The following GLG1 variants were observed in gnomAD, a reference collection of about 807,000 sequenced individuals.
The protein encoded by GLG1 is Golgi apparatus protein 1.
GLG1 carries 38 observed loss-of-function variants against 160.5 expected under a neutral mutation model. The ratio of observed to expected loss-of-function variants is 0.24; its 90% CI spans 0.18 to 0.31. The LOEUF (loss-of-function observed/expected upper bound fraction) is 0.31. Among genes scored for constraint, GLG1 ranks in the 10% least tolerant of loss-of-function variants. The pLI is 1.00. For synonymous variants in GLG1, 644 were observed against 543.4 expected (o/e 1.19, Z -2.57); for missense variants, 1,373 against 1,505.2 (o/e 0.91, Z 1.45).
chr16:74,519,425 T>A (rs1173380278), intron 2 of GLG1, among the ~76,000 whole-genome samples: 2 of 152,100 alleles, frequency 1.3e-5, no homozygotes, highest in Non-Finnish European at 2.9e-5. Context: ...ATGGCACATG[T>A]ATACCTATGT....
At chr16:74,551,084 A>G (rs1290889399) in intron 1 of GLG1, among the ~76,000 whole-genome samples, 1 of 152,210 alleles carries the variant, frequency 6.6e-6, no homozygotes, top group Non-Finnish European at 1.5e-5. Context: ...AATTCTAATA[A>G]CAATTTCAAA....
chr16:74,542,754 G>GA lies in GLG1; in HGVS notation c.439-10602dup, dbSNP rs1555514643. Among the ~76,000 whole-genome samples, 6 of 36,308 alleles carry GA rather than the reference G, an allele frequency of 1.7e-4. 1 individual carries two copies. Among genetic ancestry groups the GA allele is most frequent in the East Asian group, 1.1e-3 (2 of 1,856 alleles). 23.8% of individuals were successfully genotyped at this position (36,308 alleles called of 152,430 possible). ...GGAAGGGAGGAAGGAAGGAAGGAAGGAAGGAAGGAAGGAAGGAAGGAAGGA... is the reference window on the plus strand; with the variant it reads ...GGAAGGGAGGAAGGAAGGAAGGAAGGAAAGGAAGGAAGGAAGGAAGGAAGGA... On this transcript the variant is annotated intron_variant, in intron 1 of 25. Transcript: ENST00000422840.
rs1239382133 is a variant in GLG1 at position 74,493,130 on chromosome 16, G to A, written c.1061C>T (p.Ala354Val). Residue 354 changes from alanine (A) to valine (V), a missense_variant, in exon 7 of 26, where the codon GCA becomes GTA. Ala to Val is a moderately conservative substitution (Grantham distance 64). Around this residue, in one of 4 missense-constraint regions of GLG1, gnomAD observed 174 missense variants for 229.9 expected, o/e 0.76. Transcript: ENST00000422840. ...EESMSEKCRE[A>V]LTTRQKLIAQ... The stretch of plus-strand genomic sequence containing the variant: ...AATCAGCTTTTGGCGGGTTGTAAGT[G>A]CTTCTCGACACTGAGGAAAGAGTAC... 3.1e-6 allele frequency: 5 copies of A among 1,610,066 alleles called. No individual in the cohort carries two copies. Among genetic ancestry groups the A allele is most frequent in the African/African-American group, 1.3e-5 (1 of 74,706 alleles).
intron 5 of GLG1, 58 bp from the exon 6 acceptor site, chr16:74,494,889 T>C (rs1202929173): frequency 3.5e-6 from 3 of 851,408 alleles, no homozygotes; most frequent in Non-Finnish European, 6.1e-6. Flanking sequence ...TGCTGAACAT[T>C]ATCCACAATC....
chr16:74,565,849 A>C (rs1011249194), intron 1 of GLG1, among the ~76,000 whole-genome samples: 1 of 152,120 alleles, frequency 6.6e-6, no homozygotes, highest in Non-Finnish European at 1.5e-5. Context: ...CCAAACTAAA[A>C]AGTTTGGTTT....
intron 25 of GLG1, among the ~76,000 whole-genome samples, chr16:74,454,666 CAAAAAAAAA>C (rs58759187): frequency 1.0e-3 from 39 of 38,534 alleles, no homozygotes; most frequent in Admixed American, 1.9e-3. Context: ...AATCCGTCCC[CAAAAAAAAA>C]AAAAAAAAAA....
chr16:74,562,914 CAA>C (rs1214168577), intron 1 of GLG1, among the ~76,000 whole-genome samples: 2 of 152,156 alleles, frequency 1.3e-5, no homozygotes, highest in Non-Finnish European at 2.9e-5. Flanking sequence ...TCTGGGGCCT[CAA>C]ACACTGGGTC....
chr16:74,451,795 T>C lies in GLG1; in HGVS notation c.*1372A>G, dbSNP rs769583085. The stretch of plus-strand genomic sequence containing the variant: ...GGACCCCTCCCTCTCACACCCAGAC[T>C]TGTCATCTCCACACTGGAGGAATGA... On this transcript the variant is annotated 3_prime_UTR_variant, in exon 26 of 26. Coordinates refer to ENST00000422840, the MANE Select transcript of GLG1 (RefSeq NM_001145667.2). The C allele has an allele frequency of 2.2e-6, 1 of 445,500 alleles. No individual in the cohort carries two copies. The highest frequency in any genetic ancestry group is 4.1e-5 in the East Asian group (1 of 24,252). 27.6% of individuals were successfully genotyped at this position (445,500 alleles called of 1,614,324 possible).
chr16:74,572,522 ACAAAC>A (rs2018859576), intron 1 of GLG1, among the ~76,000 whole-genome samples: 1 of 145,900 alleles, frequency 6.9e-6, no homozygotes, highest in Non-Finnish European at 1.5e-5. Context: ...CAAAAAAAAA[ACAAAC>A]AAAAAAAAAA....
Position 74,457,373 on chromosome 16 carries a change from G to A in GLG1, c.3265+501C>T, listed in dbSNP as rs1037246453. On this transcript the variant is annotated intron_variant, in intron 24 of 25. Transcript: ENST00000422840. ...GATCATGCCACCACACTCCAGCCTG[G>A]GTGACAGAGTGAGACTCTGTCTCAA... Among the ~76,000 whole-genome samples, 3 of 152,024 alleles carry A rather than the reference G, an allele frequency of 2.0e-5. No homozygotes were observed. In the East Asian group the frequency reaches 5.8e-4, roughly 29 times the overall value.
At chr16:74,560,985 T>A (rs1325435166) in intron 1 of GLG1, among the ~76,000 whole-genome samples, 1 of 152,238 alleles carries the variant, frequency 6.6e-6, no homozygotes, top group South Asian at 2.1e-4. Flanking sequence ...TTATTTCAAA[T>A]TGAATGAATT....
chr16:74,571,289 T>C (rs1367098810), intron 1 of GLG1, among the ~76,000 whole-genome samples: 1 of 152,100 alleles, frequency 6.6e-6, no homozygotes, highest in Non-Finnish European at 1.5e-5. Context: ...ACTATAACCA[T>C]GTATACCAGA....
chr16:74,532,652 T>C (rs1255121549), intron 1 of GLG1, among the ~76,000 whole-genome samples: 3 of 151,898 alleles, frequency 2.0e-5, no homozygotes, highest in East Asian at 1.9e-4. Flanking sequence ...GGCTCCCGAG[T>C]AGCTGGGACT....
intron 1 of GLG1, among the ~76,000 whole-genome samples, chr16:74,537,061 T>C (rs1462549924): frequency 1.3e-5 from 2 of 152,206 alleles, no homozygotes; most frequent in Non-Finnish European, 2.9e-5. Context: ...GAAAAAAAGT[T>C]ATGAAAAGTA....
intron 1 of GLG1, among the ~76,000 whole-genome samples, chr16:74,551,470 AT>A (rs10570582): frequency 0.13 from 16,717 of 128,140 alleles, 1,149 homozygotes; most frequent in Middle Eastern, 0.18. Flanking sequence ...ATGTCTGGCT[AT>A]TTTTTTTTTT....
intron 2 of GLG1, among the ~76,000 whole-genome samples, chr16:74,513,798 T>G (rs139201504): frequency 0.17 from 25,803 of 152,094 alleles, 2,665 homozygotes; most frequent in East Asian, 0.41. Context: ...ATTTGACAAG[T>G]TGACAGAAGT....
chr16:74,530,633 CT>C (rs548399536), intron 2 of GLG1, among the ~76,000 whole-genome samples: 2,722 of 143,760 alleles, frequency 0.019, 51 homozygotes, highest in African/African-American at 0.052. Flanking sequence ...TGTATTTATC[CT>C]TTTTTTTTTT....
At chr16:74,489,083 A>C (rs2015889876) in intron 8 of GLG1, among the ~76,000 whole-genome samples, 1 of 152,154 alleles carries the variant, frequency 6.6e-6, no homozygotes, top group Admixed American at 6.6e-5. Context: ...ACATTTTAAA[A>C]AGCCCTGGGT....
chr16:74,602,283 G>A (rs944728018), intron 1 of GLG1, among the ~76,000 whole-genome samples: 1 of 152,112 alleles, frequency 6.6e-6, no homozygotes, highest in East Asian at 1.9e-4. Flanking sequence ...TCAAGAAAAG[G>A]TGGCAAGAAA....
Sources: allele counts gnomAD v4.1 joint callset (sites outside exome capture counted in the v4.1 genomes callset), GRCh38; gene constraint gnomAD v4.1.1; regional missense constraint gnomAD v4.1.1; transcripts MANE v1.5; gene names NCBI Gene and HGNC (gene_info 2026-07-23, HGNC 2026-07-21).